Variants in UPK3B observed in about 807,000 individuals in gnomAD.
The protein encoded by UPK3B is uroplakin 3B.
A neutral mutation model predicts 27.6 loss-of-function variants in UPK3B; 21 were observed. That is an observed-to-expected ratio of 0.76 (90% confidence interval 0.54 to 1.10). UPK3B has a LOEUF of 1.10. Ranked by LOEUF, UPK3B falls within the 50% of genes least tolerant of loss-of-function variation. UPK3B has a pLI of 0.00. For synonymous variants in UPK3B, 141 were observed against 162.3 expected (o/e 0.87, Z 1.00); for missense variants, 306 against 376.1 (o/e 0.81, Z 1.54).
Position 76,511,803 on chromosome 7 carries a change from G to T in UPK3B, c.382G>T (p.Val128Leu). The T allele has an allele frequency of 6.4e-7, 1 of 1,552,924 alleles. No individual in the cohort carries two copies. The highest frequency in any genetic ancestry group is 8.7e-7 in the Non-Finnish European group (1 of 1,148,358). Residue 128 changes from valine to leucine, a missense_variant, in exon 3 of 6, where the codon GTG becomes TTG. This residue lies in a region of UPK3B where 78 missense variants were observed against 120.2 expected (regional missense o/e 0.65). Coordinates refer to ENST00000334348, the MANE Select transcript of UPK3B (RefSeq NM_001347684.2). Reference protein sequence around the residue: ...DPMAGSGGAPVLRVGHDHGCH... With the variant: ...DPMAGSGGAPLLRVGHDHGCH... Reference sequence around the variant, plus strand: ...CATGGCGGGCAGCGGAGGCGCCCCCGTGCTGCGGGTGGGCCATGACCACGG... The same window carrying T: ...CATGGCGGGCAGCGGAGGCGCCCCCTTGCTGCGGGTGGGCCATGACCACGG...
Position 76,514,081 on chromosome 7 carries a change from G to C in UPK3B, c.671+5G>C. The C allele has an allele frequency of 6.2e-7, 1 of 1,614,028 alleles. No homozygotes were observed. On this transcript the variant is annotated splice_donor_5th_base_variant and intron_variant, in intron 5 of 5. Transcript: ENST00000334348. Reference sequence around the variant, plus strand: ...GGCAGCCTCTACCATGCGCTTGTGAGTGGGGACACCCCCTCGGGCCCCTCT... The same window carrying C: ...GGCAGCCTCTACCATGCGCTTGTGACTGGGGACACCCCCTCGGGCCCCTCT...
Position 76,515,110 on chromosome 7 carries a change from G to C in UPK3B, c.737G>C (p.Arg246Pro). The change falls in exon 6 of 6, where the codon CGC (arginine) becomes CCC (proline). Residue 246 changes from arginine to proline, a missense_variant. Coordinates refer to ENST00000334348, the MANE Select transcript of UPK3B (RefSeq NM_001347684.2). The stretch of plus-strand genomic sequence containing the variant: ...CGGATCGGCTCCTTCATGGGCAAGC[G>C]CTACATGACCCACCACATCCCACCC... ...QLRIGSFMGK[R>P]YMTHHIPPRE... The C allele has an allele frequency of 1.9e-6, 3 of 1,601,328 alleles. No homozygotes were observed. Among genetic ancestry groups the C allele is most frequent in the Non-Finnish European group, 2.6e-6 (3 of 1,175,252 alleles).
Position 76,515,300 on chromosome 7 carries a change from C to A in UPK3B, c.*96C>A. ...CCTGCACCCACAGGCCCCCTCAGGG[C>A]TCCTTGCCTTTCCCCCCCACCAGCA... is the stretch of plus-strand genomic sequence containing the variant. On this transcript the variant is annotated 3_prime_UTR_variant, in exon 6 of 6. Transcript: ENST00000334348. 4 of 1,529,854 alleles carry A rather than the reference C, an allele frequency of 2.6e-6. No homozygotes were observed. Among genetic ancestry groups the A allele is most frequent in the Admixed American group, 2.0e-5 (1 of 49,640 alleles). The allele number at this position is 1,529,854 out of a possible 1,614,324, so 94.8% of individuals were successfully genotyped here.
intron 4 of UPK3B, among the ~76,000 whole-genome samples, chr7:76,513,412 C>G (rs1287141083): frequency 6.6e-6 from 1 of 152,206 alleles, no homozygotes; most frequent in African/African-American, 2.4e-5. Flanking sequence ...CCTCCCCCCT[C>G]CTGTAGGGAG....
In UPK3B at chr7:76,515,366, G is replaced by A; in HGVS notation, c.*162G>A. ...CTGGAATCCCAGCACCAGCCCCCCTGCCTCTCCTCTGCCTTTCTGGTTTCT... is the reference window on the plus strand; with the variant it reads ...CTGGAATCCCAGCACCAGCCCCCCTACCTCTCCTCTGCCTTTCTGGTTTCT... On this transcript the variant is annotated 3_prime_UTR_variant, in exon 6 of 6. Transcript: ENST00000334348. 1.3e-6 allele frequency: 2 copies of A among 1,496,068 alleles called. No homozygotes were observed. Among genetic ancestry groups the A allele is most frequent in the South Asian group, 1.3e-5 (1 of 76,626 alleles). 92.7% of individuals were successfully genotyped at this position (1,496,068 alleles called of 1,614,324 possible). A position where few individuals can be genotyped will look rare whatever the true frequency, so the allele number is the denominator to read the frequency against.
chr7:76,511,684 C>T lies in UPK3B; in HGVS notation c.263C>T (p.Thr88Ile). The T allele has an allele frequency of 6.2e-7, 1 of 1,605,166 alleles. No homozygotes were observed. The highest frequency in any genetic ancestry group is 8.5e-7 in the Non-Finnish European group (1 of 1,176,298). ...TCCAGGGGCTTCCAGAACCCGGAGA[C>T]ACTGGCTGACATTCCGGCCTCCCCA... ...NASRGFQNPE[T>I]LADIPASPQL... is the part of the protein sequence containing the mutation. The change falls in exon 3 of 6, where the codon ACA becomes ATA. Residue 88 changes from threonine to isoleucine, a missense_variant. Physicochemically the swap from Thr to Ile is moderately conservative, Grantham distance 89 (BLOSUM62 -1). Transcript: ENST00000334348.
chr7:76,513,534 G>A (rs2116682034), intron 4 of UPK3B, among the ~76,000 whole-genome samples: 1 of 152,172 alleles, frequency 6.6e-6, no homozygotes, highest in Middle Eastern at 3.4e-3. Context: ...CAGACCCCAA[G>A]GGGCAAGCGT....
chr7:76,513,869 G>T (rs1812627249), intron 4 of UPK3B, 78 bp from the exon 5 acceptor site: 2 of 1,598,262 alleles, frequency 1.3e-6, no homozygotes, highest in African/African-American at 2.7e-5. Context: ...AGCGTGGGTG[G>T]GGAGGGAGCG....
chr7:76,511,732 A>T lies in UPK3B; in HGVS notation c.311A>T (p.Tyr104Phe). The stretch of plus-strand genomic sequence containing the variant: ...CCACAGCTGCTGACCGATGGCCACT[A>T]CATGACGCTGCCCCTGTCTCCGGAC... ...ASPQLLTDGH[Y>F]MTLPLSPDQL... The change falls in exon 3 of 6, where the codon TAC becomes TTC. Residue 104 changes from tyrosine (Y) to phenylalanine (F), a missense_variant. Transcript: ENST00000334348. The T allele has an allele frequency of 6.2e-7, 1 of 1,611,540 alleles. No individual in the cohort carries two copies. The highest frequency in any genetic ancestry group is 2.2e-5 in the East Asian group (1 of 44,846).
Position 76,511,754 on chromosome 7 carries a change from G to A in UPK3B, c.333G>A (p.Pro111=), listed in dbSNP as rs375183523. 1.1e-4 allele frequency: 183 copies of A among 1,609,982 alleles called. No individual in the cohort carries two copies. The East Asian group carries it at 3.2e-3, about 28-fold the overall frequency. ...DGHYMTLPLS[P]DQLPCGDPMA... is the part of the protein sequence containing the mutation. The stretch of plus-strand genomic sequence containing the variant: ...ACTACATGACGCTGCCCCTGTCTCC[G>A]GACCAGCTGCCCTGTGGCGACCCCA... Residue 111 remains proline, a synonymous_variant, in exon 3 of 6, where the codon CCG becomes CCA. Transcript: ENST00000334348.
Position 76,515,100 on chromosome 7 carries a change from A to T in UPK3B, c.727A>T (p.Met243Leu). 6.2e-7 allele frequency: 1 copy of T among 1,601,342 alleles called. No homozygotes were observed. The highest frequency in any genetic ancestry group is 8.5e-7 in the Non-Finnish European group (1 of 1,175,264). Reference sequence around the variant, plus strand: ...GGAGCAGCTGCGGATCGGCTCCTTCATGGGCAAGCGCTACATGACCCACCA... The same window carrying T: ...GGAGCAGCTGCGGATCGGCTCCTTCTTGGGCAAGCGCTACATGACCCACCA... ...APEQLRIGSF[M>L]GKRYMTHHIP... The change falls in exon 6 of 6, where the codon ATG becomes TTG. Residue 243 changes from methionine (M) to leucine (L), a missense_variant. Met to Leu is a conservative substitution (Grantham distance 15). Transcript: ENST00000334348.
In UPK3B at chr7:76,515,220, T is replaced by TGGGGCTGGGGGAGATGG. The variant is rs765690847; in HGVS notation, c.*19_*35dup. ...CAGCCCCTAGCCTGGCCTCTTTGCA[T>TGGGGCTGGGGGAGATGG]GGGGCTGGGGGAGATGGGGCGCTGG... is the stretch of plus-strand genomic sequence containing the variant. On this transcript the variant is annotated 3_prime_UTR_variant, in exon 6 of 6. Coordinates refer to ENST00000334348, the MANE Select transcript of UPK3B (RefSeq NM_001347684.2). The TGGGGCTGGGGGAGATGG allele has an allele frequency of 9.7e-4, 1,542 of 1,588,630 alleles. 3 individuals carry two copies. The highest frequency in any genetic ancestry group is 1.8e-3 in the Middle Eastern group (11 of 6,028).
chr7:76,515,294 T>A lies in UPK3B; in HGVS notation c.*90T>A, dbSNP rs747183450. On this transcript the variant is annotated 3_prime_UTR_variant, in exon 6 of 6. Transcript: ENST00000334348. ...CCAGCTCCTGCACCCACAGGCCCCC[T>A]CAGGGCTCCTTGCCTTTCCCCCCCA... 11 of 1,534,612 alleles carry A rather than the reference T, an allele frequency of 7.2e-6. No individual in the cohort carries two copies. In the East Asian group the frequency reaches 1.5e-4, roughly 21 times the overall value.
In UPK3B at chr7:76,516,271, C is replaced by T. The variant is rs1377504992; in HGVS notation, c.*1067C>T. ...GCCAAGCCAGAGGGATGAGCAATCA[C>T]GCCTGAGAGCCCACTGCGTGCCATG... On this transcript the variant is annotated 3_prime_UTR_variant, in exon 6 of 6. Transcript: ENST00000334348. The T allele has an allele frequency of 3.3e-6, 2 of 612,126 alleles. No individual in the cohort carries two copies. The highest frequency in any genetic ancestry group is 8.8e-5 in the South Asian group (1 of 11,388). The allele number at this position is 612,126 out of a possible 1,614,324, so 37.9% of individuals were successfully genotyped here.
chr7:76,511,398 A>C, intron 2 of UPK3B: 1 of 924,354 alleles, frequency 1.1e-6, no homozygotes. Context: ...GTGCACTGCA[A>C]TGGGGCTGGG....
Position 76,510,769 on chromosome 7 carries a change from C to A in UPK3B, c.85+32C>A. Reference sequence around the variant, plus strand: ...GGGGGTCCTGGATGGACGCGTCCAGCCAGACCCAAGGGGCTGGGGGCCCTG... The same window carrying A: ...GGGGGTCCTGGATGGACGCGTCCAGACAGACCCAAGGGGCTGGGGGCCCTG... On this transcript the variant is annotated intron_variant, in intron 1 of 5. Transcript: ENST00000334348. 1.9e-6 allele frequency: 3 copies of A among 1,571,098 alleles called. No individual in the cohort carries two copies. Among genetic ancestry groups the A allele is most frequent in the South Asian group, 1.2e-5 (1 of 85,974 alleles).
At position 76,515,371 on chromosome 7, in the gene UPK3B, T is replaced by C. The variant is rs1227484124; in HGVS notation, c.*167T>C. 30 of 1,495,064 alleles carry C rather than the reference T, an allele frequency of 2.0e-5. No individual in the cohort carries two copies. The highest frequency in any genetic ancestry group is 2.6e-5 in the Non-Finnish European group (29 of 1,124,136). The allele number at this position is 1,495,064 out of a possible 1,614,324, so 92.6% of individuals were successfully genotyped here. A position where few individuals can be genotyped will look rare whatever the true frequency, so the allele number is the denominator to read the frequency against. On this transcript the variant is annotated 3_prime_UTR_variant, in exon 6 of 6. Coordinates refer to ENST00000334348, the MANE Select transcript of UPK3B (RefSeq NM_001347684.2). ...ATCCCAGCACCAGCCCCCCTGCCTCTCCTCTGCCTTTCTGGTTTCTCTCCC... is the reference window on the plus strand; with the variant it reads ...ATCCCAGCACCAGCCCCCCTGCCTCCCCTCTGCCTTTCTGGTTTCTCTCCC...
chr7:76,513,918 G>A (rs548419109), intron 4 of UPK3B, 29 bp from the exon 5 acceptor site: 1 of 1,613,106 alleles, frequency 6.2e-7, no homozygotes, highest in Admixed American at 1.7e-5. Context: ...TCGAGGGGCA[G>A]CCCCTCTGAG....
intron 4 of UPK3B, among the ~76,000 whole-genome samples, chr7:76,513,672 T>G (rs1812620246): frequency 6.6e-6 from 1 of 151,980 alleles, no homozygotes; most frequent in Admixed American, 6.6e-5. Context: ...CCTTGACTGC[T>G]GGGCTCCAGG....
Sources: allele counts gnomAD v4.1 joint callset (sites outside exome capture counted in the v4.1 genomes callset), GRCh38; gene constraint gnomAD v4.1.1; regional missense constraint gnomAD v4.1.1; transcripts MANE v1.5; gene names NCBI Gene and HGNC (gene_info 2026-07-23, HGNC 2026-07-21).